Variants in DMD observed in about 807,000 individuals in gnomAD.
DMD encodes the protein mutant dystrophin.
A neutral mutation model predicts 330.1 loss-of-function variants in DMD; 63 were observed. The observed-to-expected ratio is 0.19, with a 90% CI of 0.16 to 0.24. The LOEUF (loss-of-function observed/expected upper bound fraction) is 0.24. Ranked by LOEUF, DMD falls within the 10% of genes least tolerant of loss-of-function variation. The pLI, the probability that DMD is intolerant of heterozygous loss-of-function variation, is 1.00. For missense variants in DMD, 3,344 were observed against 2,684.1 expected, an observed-to-expected ratio of 1.25 and a Z score of -5.43; for synonymous variants, 1,223 against 959.8, an observed-to-expected ratio of 1.27 and a Z score of -5.07.
intron 60 of DMD, among the ~76,000 whole-genome samples, chrX:31,379,966 G>A (rs1005434345): frequency 9.0e-6 from 1 of 111,652 alleles, no homozygotes; most frequent in African/African-American, 3.3e-5. Context: ...CGGTTTAGTG[G>A]CTGAAGACTG....
rs2098002643 is a variant in DMD at position 32,391,573 on chromosome X, G to T, written c.4234-1392C>A. Among the ~76,000 whole-genome samples, 3 of 111,846 alleles carry T rather than the reference G, an allele frequency of 2.7e-5. No homozygotes were observed. The Admixed American group carries it at 2.9e-4, about 11-fold the overall frequency. On this transcript the variant is annotated intron_variant, in intron 30 of 78. Transcript: ENST00000357033. ...GAATTCTGCCTTAAAACAAATGAGA[G>T]CAAATACGCATATAAATGTATCTTA... is the stretch of plus-strand genomic sequence containing the variant.
chrX:32,480,173 T>C (rs952744457), intron 21 of DMD, among the ~76,000 whole-genome samples: 7 of 111,883 alleles, frequency 6.3e-5, no homozygotes, highest in African/African-American at 3.2e-5. Context: ...TCAACATCTC[T>C]AAACATCAGA....
intron 16 of DMD, among the ~76,000 whole-genome samples, chrX:32,563,382 A>G (rs193039541): frequency 3.1e-3 from 340 of 108,428 alleles, no homozygotes; most frequent in African/African-American, 9.6e-3. Flanking sequence ...GAGAACCACA[A>G]AAAGCCCTCC....
At chrX:32,684,372 A>C (rs1028030892) in intron 9 of DMD, among the ~76,000 whole-genome samples, 1 of 111,636 alleles carries the variant, frequency 9.0e-6, no homozygotes, top group African/African-American at 3.2e-5. Flanking sequence ...TAAAGATTTC[A>C]TGATATTGCA....
At chrX:31,567,138 C>A (rs193258397) in intron 55 of DMD, among the ~76,000 whole-genome samples, 1 of 111,474 alleles carries the variant, frequency 9.0e-6, no homozygotes, top group Non-Finnish European at 1.9e-5. Context: ...ATATTTTCTA[C>A]GTACACAGTC....
chrX:31,995,240 G>A (rs1297988164), intron 44 of DMD, among the ~76,000 whole-genome samples: 1 of 111,776 alleles, frequency 8.9e-6, no homozygotes, highest in Non-Finnish European at 1.9e-5. Context: ...TAAGTCCACA[G>A]AGTGAAAAAT....
intron 7 of DMD, among the ~76,000 whole-genome samples, chrX:32,725,460 C>A (rs1236660222): frequency 9.1e-6 from 1 of 110,439 alleles, no homozygotes; most frequent in East Asian, 2.8e-4. Context: ...TATTCCATGC[C>A]AATGGAAACC....
chrX:32,629,288 T>G (rs1431757606), intron 11 of DMD, among the ~76,000 whole-genome samples: 2 of 112,135 alleles, frequency 1.8e-5, no homozygotes, highest in Non-Finnish European at 3.8e-5. Context: ...TCCCTTTTTA[T>G]AGTTTTTGTC....
At chrX:32,827,660 C>CTT (rs5902039) in intron 4 of DMD, among the ~76,000 whole-genome samples, 17 of 72,251 alleles carry the variant, frequency 2.4e-4, no homozygotes, top group African/African-American at 8.4e-4. Flanking sequence ...ATTAACTCCC[C>CTT]TTTTTTTTTT....
chrX:32,249,479 G>A (rs1482513625), intron 43 of DMD, among the ~76,000 whole-genome samples: 1 of 111,915 alleles, frequency 8.9e-6, no homozygotes, highest in Non-Finnish European at 1.9e-5. Context: ...TTGAGGAAGA[G>A]ACCAGGATAC....
intron 55 of DMD, among the ~76,000 whole-genome samples, chrX:31,553,433 GCGTT>G (rs2074611405): frequency 9.0e-6 from 1 of 111,661 alleles, no homozygotes; most frequent in African/African-American, 3.3e-5. Context: ...AAAAGTAATT[GCGTT>G]TTTTTTACCA....
chrX:32,596,349 A>T (rs1212590774), intron 12 of DMD, among the ~76,000 whole-genome samples: 1 of 109,494 alleles, frequency 9.1e-6, no homozygotes, highest in Non-Finnish European at 1.9e-5. Context: ...CTACATATTT[A>T]TCCTACTATT....
intron 1 of DMD, among the ~76,000 whole-genome samples, chrX:33,329,351 G>A (rs937760222): frequency 6.3e-5 from 7 of 111,844 alleles, no homozygotes; most frequent in African/African-American, 1.9e-4. Context: ...GAAAAACTAC[G>A]TGGCATTTTC....
chrX:31,474,706 C>CAAAAAAA lies in DMD; in HGVS notation c.8937+3393_8937+3399dup, dbSNP rs779735826. On this transcript the variant is annotated intron_variant, in intron 59 of 78. Coordinates refer to ENST00000357033, the MANE Select transcript of DMD (RefSeq NM_004006.3). ...CCTGGGTGACAGAGCGAGACTGTCG[C>CAAAAAAA]AAAAAAAAAATAAAATAAAATAAAA... 6.2e-5 allele frequency among the ~76,000 whole-genome samples: 4 copies of CAAAAAAA among 64,026 alleles called. 1 individual carries two copies. Among genetic ancestry groups the CAAAAAAA allele is most frequent in the Non-Finnish European group, 1.2e-4 (4 of 34,721 alleles). The allele number at this position is 64,026 out of a possible 115,157, so 55.6% of individuals were successfully genotyped here. A position where few individuals can be genotyped will look rare whatever the true frequency, so the allele number is the denominator to read the frequency against.
chrX:32,688,577 A>G (rs1469061942), intron 9 of DMD, among the ~76,000 whole-genome samples: 1 of 111,967 alleles, frequency 8.9e-6, no homozygotes, highest in African/African-American at 3.2e-5. Flanking sequence ...TCTATGTGAT[A>G]GTGGAGGCTT....
chrX:32,302,804 C>A (rs942228486), intron 42 of DMD, among the ~76,000 whole-genome samples: 1 of 111,064 alleles, frequency 9.0e-6, no homozygotes, highest in Non-Finnish European at 1.9e-5. Context: ...TTCACTGTAT[C>A]TTCACAAGAG....
intron 2 of DMD, among the ~76,000 whole-genome samples, chrX:32,989,162 T>C (rs2092918245): frequency 8.9e-6 from 1 of 111,902 alleles, no homozygotes; most frequent in Admixed American, 9.6e-5. Context: ...CTGTAGCTCA[T>C]GAGTAATGTG....
chrX:32,566,030 A>G (rs1363463270), intron 15 of DMD, 149 bp from the exon 16 acceptor site: 7 of 507,768 alleles, frequency 1.4e-5, no homozygotes, highest in Non-Finnish European at 2.3e-5. Flanking sequence ...TCAGAAAAAT[A>G]GAGGTAGAAA....
chrX:32,348,344 G>A, intron 38 of DMD, 62 bp downstream of exon 38: 1 of 1,118,030 alleles, frequency 8.9e-7, no homozygotes, highest in South Asian at 1.8e-5. Context: ...ACTTATCTAA[G>A]TTCTTTCCAA....
Sources: gnomAD v4.1 joint callset for allele counts (sites outside exome capture counted in the v4.1 genomes callset) on GRCh38, gnomAD v4.1.1 for gene constraint, MANE v1.5 for transcripts, NCBI Gene and HGNC (gene_info 2026-07-23, HGNC 2026-07-21) for gene names.